The following KCNIP4 variants were observed in gnomAD, a reference collection of about 807,000 sequenced individuals.
KCNIP4 encodes potassium voltage-gated channel interacting protein 4, also known as Kv channel-interacting protein 4.
Under a neutral mutation model 34.0 loss-of-function variants are expected in KCNIP4, and 12 were observed. That is an observed-to-expected ratio of 0.35 (90% CI 0.23 to 0.57). The LOEUF is 0.57. Ranked by LOEUF, KCNIP4 falls within the 20% of genes least tolerant of loss-of-function variation. The pLI is 0.83. For missense variants in KCNIP4, 238 were observed against 311.7 expected (o/e 0.76, Z 1.78); for synonymous variants, 124 against 102.2 (o/e 1.21, Z -1.29).
intron 1 of KCNIP4, among the ~76,000 whole-genome samples, chr4:21,742,406 C>T (rs17497642): frequency 0.016 from 2,366 of 152,294 alleles, 28 homozygotes; most frequent in South Asian, 0.037. Flanking sequence ...TGCGATTTAG[C>T]TCCCTACATG....
chr4:21,311,435 T>C (rs989696631), intron 1 of KCNIP4, among the ~76,000 whole-genome samples: 1 of 152,122 alleles, frequency 6.6e-6, no homozygotes, highest in Admixed American at 6.6e-5. Context: ...AACCACCTGT[T>C]ATCCCAGCAC....
intron 1 of KCNIP4, among the ~76,000 whole-genome samples, chr4:21,118,647 A>T (rs1396815566): frequency 6.6e-6 from 1 of 152,124 alleles, no homozygotes; most frequent in Admixed American, 6.5e-5. Context: ...TTATTTTTAC[A>T]GTGCAAGTGG....
chr4:20,968,537 T>A (rs1734607990), intron 1 of KCNIP4, among the ~76,000 whole-genome samples: 1 of 152,032 alleles, frequency 6.6e-6, no homozygotes. Context: ...CAAATGTCCA[T>A]CAATGATAGA....
intron 1 of KCNIP4, among the ~76,000 whole-genome samples, chr4:21,208,912 A>G (rs1440148116): frequency 1.3e-5 from 2 of 152,272 alleles, no homozygotes; most frequent in East Asian, 3.9e-4. Context: ...AGCAGGGGAA[A>G]TGCCAGACAC....
intron 1 of KCNIP4, among the ~76,000 whole-genome samples, chr4:20,904,915 A>G (rs1727567096): frequency 6.6e-6 from 1 of 152,160 alleles, no homozygotes; most frequent in African/African-American, 2.4e-5. Context: ...GAGGAGGAAG[A>G]GGATGAGGCA....
chr4:20,987,975 T>C (rs367753473), intron 1 of KCNIP4, among the ~76,000 whole-genome samples: 4 of 109,794 alleles, frequency 3.6e-5, no homozygotes, highest in East Asian at 2.8e-4. Flanking sequence ...CACTCCAGCC[T>C]GGGCGACACG....
At chr4:21,936,525 T>C (rs928378157) in intron 1 of KCNIP4, among the ~76,000 whole-genome samples, 6 of 152,068 alleles carry the variant, frequency 3.9e-5, no homozygotes, top group African/African-American at 1.4e-4. Context: ...TGGGTTGTTA[T>C]ATTAGATGAA....
At chr4:21,943,484 G>A (rs1204763572) in intron 1 of KCNIP4, among the ~76,000 whole-genome samples, 2 of 152,040 alleles carry the variant, frequency 1.3e-5, no homozygotes, top group African/African-American at 4.8e-5. Flanking sequence ...AGGCTGCAGT[G>A]ACCCATAATG....
intron 1 of KCNIP4, among the ~76,000 whole-genome samples, chr4:21,195,612 T>C (rs1186052692): frequency 3.3e-5 from 5 of 152,216 alleles, no homozygotes; most frequent in Admixed American, 1.3e-4. Context: ...TTGATAAAAA[T>C]GGAAACATTC....
intron 6 of KCNIP4, 152 bp downstream of exon 6, chr4:20,734,476 C>T: frequency 6.9e-6 from 3 of 434,322 alleles, no homozygotes; most frequent in Non-Finnish European, 1.2e-5. Context: ...ACTTCTATCC[C>T]AAGTTTTTAA....
chr4:21,861,185 G>A (rs1725053092), intron 1 of KCNIP4, among the ~76,000 whole-genome samples: 1 of 152,158 alleles, frequency 6.6e-6, no homozygotes, highest in African/African-American at 2.4e-5. Context: ...ATATTACAAA[G>A]TATAACTTAT....
chr4:21,912,661 G>C (rs1275900139), intron 1 of KCNIP4, among the ~76,000 whole-genome samples: 1 of 152,064 alleles, frequency 6.6e-6, no homozygotes, highest in Admixed American at 6.6e-5. Flanking sequence ...CATGTGCAAA[G>C]GTCCTGAGAC....
At chr4:21,585,192 G>A (rs1741518227) in intron 1 of KCNIP4, among the ~76,000 whole-genome samples, 1 of 152,014 alleles carries the variant, frequency 6.6e-6, no homozygotes. Context: ...ACAGTGCTAT[G>A]AGGTGGGTGT....
chr4:21,419,117 T>C (rs1472853478), intron 1 of KCNIP4, among the ~76,000 whole-genome samples: 4 of 152,214 alleles, frequency 2.6e-5, no homozygotes, highest in Admixed American at 6.5e-5. Flanking sequence ...ATCCTTCTGC[T>C]GCAGTTGCCA....
chr4:21,201,966 T>A (rs1756530568), intron 1 of KCNIP4, among the ~76,000 whole-genome samples: 1 of 152,208 alleles, frequency 6.6e-6, no homozygotes, highest in Admixed American at 6.5e-5. Flanking sequence ...AACTTTAAAC[T>A]TCATTTTAGA....
At chr4:21,831,663 C>CAAAAAAAAA (rs141374886) in intron 1 of KCNIP4, among the ~76,000 whole-genome samples, 8 of 73,220 alleles carry the variant, frequency 1.1e-4, no homozygotes, top group African/African-American at 4.6e-4. Context: ...CATTTTTCAT[C>CAAAAAAAAA]AAAAAAAAAA....
In KCNIP4 at chr4:20,920,362, T is replaced by G. The variant is rs145915767; in HGVS notation, c.62-37653A>C. ...GCTAAGATTTTGAAATGATTAAAAT[T>G]TGTATAATAACATTAATAATCATTG... On this transcript the variant is annotated intron_variant, in intron 1 of 8. Coordinates refer to ENST00000382152, the MANE Select transcript of KCNIP4 (RefSeq NM_025221.6). 3.8e-3 allele frequency among the ~76,000 whole-genome samples: 582 copies of G among 152,326 alleles called. 3 individuals carry two copies. The highest frequency in any genetic ancestry group is 0.017 in the Middle Eastern group (5 of 294).
chr4:20,729,817 A>ATGCCAGATTC lies in KCNIP4; in HGVS notation c.*255_*264dup. 2.9e-6 allele frequency: 1 copy of ATGCCAGATTC among 345,840 alleles called. No individual in the cohort carries two copies. The highest frequency in any genetic ancestry group is 5.2e-6 in the Non-Finnish European group (1 of 192,130). 21.4% of individuals were successfully genotyped at this position (345,840 alleles called of 1,614,324 possible). A position where few individuals can be genotyped will look rare whatever the true frequency, so the allele number is the denominator to read the frequency against. On this transcript the variant is annotated 3_prime_UTR_variant, in exon 9 of 9. Coordinates refer to ENST00000382152, the MANE Select transcript of KCNIP4 (RefSeq NM_025221.6). ...ATGGCTAAGGAACCAATAAAACTATATGCCAGATTCTATTACTTTTGAATA... is the reference window on the plus strand; with the variant it reads ...ATGGCTAAGGAACCAATAAAACTATATGCCAGATTCTGCCAGATTCTATTACTTTTGAATA...
intron 1 of KCNIP4, among the ~76,000 whole-genome samples, chr4:21,912,271 T>C (rs546405233): frequency 2.3e-4 from 35 of 152,324 alleles, no homozygotes; most frequent in African/African-American, 7.9e-4. Context: ...GGGTTTATTA[T>C]ATAGTCAGGA....
Sources: gnomAD v4.1 joint callset for allele counts (sites outside exome capture counted in the v4.1 genomes callset) on GRCh38, gnomAD v4.1.1 for gene constraint, MANE v1.5 for transcripts, NCBI Gene and HGNC (gene_info 2026-07-23, HGNC 2026-07-21) for gene names.